The following PSME4 variants were observed in gnomAD, a reference collection of about 807,000 sequenced individuals.
The protein encoded by PSME4 is proteasome activator complex subunit 4.
In PSME4, 89 loss-of-function variants were observed where a neutral mutation model predicts 253.9. That is an observed-to-expected ratio of 0.35 (90% CI 0.30 to 0.42). The LOEUF (loss-of-function observed/expected upper bound fraction) is 0.42. Ranked by LOEUF, PSME4 falls within the 10% of genes least tolerant of loss-of-function variation. The probability of loss-of-function intolerance (pLI) is 1.00; values close to 1 mark genes in which losing one functional copy is unlikely to be tolerated. For synonymous variants in PSME4, 851 were observed against 759.2 expected (o/e 1.12, Z -1.99); for missense variants, 2,014 against 2,195.2 (o/e 0.92, Z 1.65).
intron 19 of PSME4, 76 bp downstream of exon 19, chr2:53,920,117 G>C: frequency 7.9e-7 from 1 of 1,258,130 alleles, no homozygotes; most frequent in Non-Finnish European, 1.1e-6. Context: ...TAATACATGA[G>C]ATATGCCACA....
At position 53,918,227 on chromosome 2, in the gene PSME4, A is replaced by AT. The variant is rs1375531143; in HGVS notation, c.2516+923dup. Among the ~76,000 whole-genome samples, 25 of 152,328 alleles carry AT rather than the reference A, an allele frequency of 1.6e-4. No individual in the cohort carries two copies. The South Asian group carries it at 4.4e-3, about 27-fold the overall frequency. ...CTCATTTGAATGTGATTTACATGTG[A>AT]TTTCATTAACTTGCTTAGTAACAAG... On this transcript the variant is annotated intron_variant, in intron 20 of 46. Coordinates refer to ENST00000404125, the MANE Select transcript of PSME4 (RefSeq NM_014614.3).
At chr2:53,898,726 T>C (rs942396125) in intron 29 of PSME4, among the ~76,000 whole-genome samples, 3 of 152,250 alleles carry the variant, frequency 2.0e-5, no homozygotes, top group South Asian at 2.1e-4. Context: ...TTATTATTTA[T>C]AGACATTTTA....
At chr2:53,897,148 T>G (rs1388819308) in intron 31 of PSME4, among the ~76,000 whole-genome samples, 1 of 151,322 alleles carries the variant, frequency 6.6e-6, no homozygotes, top group Non-Finnish European at 1.5e-5. Context: ...CTGCTCATTC[T>G]TCAAATCTTA....
intron 3 of PSME4, among the ~76,000 whole-genome samples, chr2:53,946,688 G>C (rs1669723339): frequency 6.6e-6 from 1 of 152,244 alleles, no homozygotes; most frequent in Non-Finnish European, 1.5e-5. Flanking sequence ...TTGAGCCCAG[G>C]AGTTCAAGAC....
chr2:53,957,530 C>T (rs1048181959), intron 1 of PSME4, among the ~76,000 whole-genome samples: 1 of 152,060 alleles, frequency 6.6e-6, no homozygotes, highest in Non-Finnish European at 1.5e-5. Context: ...CAATCTAATG[C>T]CACCACTGAT....
At chr2:53,948,629 C>T in intron 2 of PSME4, 92 bp from the exon 3 acceptor site, 4 of 807,562 alleles carry the variant, frequency 5.0e-6, no homozygotes, top group Non-Finnish European at 6.2e-6. Context: ...TTAAACATTG[C>T]TGCTCATCAC....
chr2:53,907,383 C>T (rs1319258019), intron 24 of PSME4, among the ~76,000 whole-genome samples: 1 of 152,122 alleles, frequency 6.6e-6, no homozygotes, highest in Non-Finnish European at 1.5e-5. Context: ...TCTTTCACAC[C>T]ACAGTTCCTT....
At position 53,939,960 on chromosome 2, in the gene PSME4, G is replaced by C; in HGVS notation, c.541C>G (p.Arg181Gly). ...NILKTLVKSC[R>G]PYFPADATAE... Reference sequence around the variant, plus strand: ...ATAAATTGAGAAGCTACTTACGGTCGGCAGCTTTTCACGAGTGTTTTGAGA... The same window carrying C: ...ATAAATTGAGAAGCTACTTACGGTCCGCAGCTTTTCACGAGTGTTTTGAGA... Residue 181 changes from arginine (R) to glycine (G), a missense_variant, in exon 4 of 47, where the codon CGA becomes GGA. Around this residue, in one of 4 missense-constraint regions of PSME4, gnomAD observed 615 missense variants for 594.4 expected, o/e 1.03. Transcript: ENST00000404125. 1 of 1,595,330 alleles carries C rather than the reference G, an allele frequency of 6.3e-7. No homozygotes were observed. The highest frequency in any genetic ancestry group is 8.6e-7 in the Non-Finnish European group (1 of 1,165,674).
intron 1 of PSME4, among the ~76,000 whole-genome samples, chr2:53,958,257 GA>G (rs1670323866): frequency 6.6e-6 from 1 of 151,640 alleles, no homozygotes; most frequent in Non-Finnish European, 1.5e-5. Flanking sequence ...TCGGGAGGCT[GA>G]GGTGGGAGAA....
At chr2:53,917,378 A>C (rs2104448460) in intron 20 of PSME4, 1 of 152,278 alleles carries the variant, frequency 6.6e-6, no homozygotes, top group South Asian at 2.1e-4. Context: ...TTCATTATAA[A>C]AAATCTAATT....
chr2:53,936,244 C>A, intron 6 of PSME4, 83 bp from the exon 7 acceptor site: 1 of 1,564,312 alleles, frequency 6.4e-7, no homozygotes, highest in South Asian at 1.2e-5. Flanking sequence ...TCCATTTGTT[C>A]TTTTTGGCAA....
At chr2:53,960,446 C>A (rs189085092) in intron 1 of PSME4, among the ~76,000 whole-genome samples, 2 of 149,430 alleles carry the variant, frequency 1.3e-5, no homozygotes, top group East Asian at 1.9e-4. Context: ...GCTAGAGGAG[C>A]AGATTAAGAA....
In PSME4 at chr2:53,900,002, C is replaced by A; in HGVS notation, c.3301G>T (p.Val1101Phe). Residue 1101 changes from valine (V) to phenylalanine (F), a missense_variant, in exon 29 of 47, where the codon GTT (valine) becomes TTT (phenylalanine). By Grantham distance (50) the Val-to-Phe change is conservative. Transcript: ENST00000404125. ...GLDFTIPKSC[V>F]EIAELLQQSK... ...TGTTGAAGTAATTCCGCTATTTCAACACATGACTTTGGAATCTTGTTAAAA... is the reference window on the plus strand; with the variant it reads ...TGTTGAAGTAATTCCGCTATTTCAAAACATGACTTTGGAATCTTGTTAAAA... 1.9e-6 allele frequency: 3 copies of A among 1,612,742 alleles called. No homozygotes were observed. Among genetic ancestry groups the A allele is most frequent in the Non-Finnish European group, 2.5e-6 (3 of 1,179,492 alleles).
chr2:53,934,417 G>A (rs1003196424), intron 8 of PSME4, among the ~76,000 whole-genome samples, 188 bp downstream of exon 8: 4 of 152,130 alleles, frequency 2.6e-5, no homozygotes, highest in African/African-American at 9.7e-5. Flanking sequence ...CCATTGGTTA[G>A]GGAGATTTAG....
At chr2:53,894,107 T>A (rs1259633625) in intron 34 of PSME4, among the ~76,000 whole-genome samples, 2 of 152,160 alleles carry the variant, frequency 1.3e-5, no homozygotes, top group Admixed American at 6.5e-5. Flanking sequence ...TGGTGTGCAA[T>A]TTGTTAAAAT....
intron 8 of PSME4, among the ~76,000 whole-genome samples, chr2:53,933,477 T>C (rs548188031): frequency 6.8e-6 from 1 of 147,130 alleles, no homozygotes; most frequent in Non-Finnish European, 1.5e-5. Flanking sequence ...TCTCCTAGGC[T>C]CAAGCGATCC....
At position 53,891,615 on chromosome 2, in the gene PSME4, C is replaced by T. The variant is rs1038774277; in HGVS notation, c.4191+1193G>A. 2.0e-5 allele frequency among the ~76,000 whole-genome samples: 3 copies of T among 151,908 alleles called. No individual in the cohort carries two copies. In the South Asian group the frequency reaches 6.2e-4, roughly 32 times the overall value. On this transcript the variant is annotated intron_variant, in intron 36 of 46. Transcript: ENST00000404125. Reference sequence around the variant, plus strand: ...GTAGCTCACACCTGTAATCCCAGCACTTTGGGAGGCCAAGGTAGGTGGAGT... The same window carrying T: ...GTAGCTCACACCTGTAATCCCAGCATTTTGGGAGGCCAAGGTAGGTGGAGT...
chr2:53,888,032 GC>G, intron 38 of PSME4, 43 bp from the exon 39 acceptor site: 2 of 1,565,414 alleles, frequency 1.3e-6, no homozygotes, highest in Non-Finnish European at 1.7e-6. Flanking sequence ...GGCCCTTTCT[GC>G]CTTTACATAT....
intron 28 of PSME4, 150 bp from the exon 29 acceptor site, chr2:53,900,167 G>A: frequency 1.3e-6 from 1 of 786,882 alleles, no homozygotes; most frequent in South Asian, 1.9e-5. Flanking sequence ...CTAATAATGG[G>A]CAAATTTATT....
Sources: allele counts gnomAD v4.1 joint callset (sites outside exome capture counted in the v4.1 genomes callset), GRCh38; gene constraint gnomAD v4.1.1; regional missense constraint gnomAD v4.1.1; transcripts MANE v1.5; gene names NCBI Gene and HGNC (gene_info 2026-07-23, HGNC 2026-07-21).